The following EXOC4 variants were observed in gnomAD, a reference collection of about 807,000 sequenced individuals.
The protein encoded by EXOC4 is SEC8-like 1.
A neutral mutation model predicts 107.2 loss-of-function variants in EXOC4; 71 were observed. The observed-to-expected ratio is 0.66, with a 90% confidence interval of 0.55 to 0.81. The LOEUF is 0.81. Among genes scored for constraint, EXOC4 ranks in the 30% least tolerant of loss-of-function variants. The pLI is 0.00. For missense variants in EXOC4, 1,108 were observed against 1,189.6 expected (o/e 0.93, Z 1.01); for synonymous variants, 456 against 441.2 (o/e 1.03, Z -0.42).
chr7:133,704,026 G>A (rs1442405835), intron 10 of EXOC4, among the ~76,000 whole-genome samples: 1 of 152,148 alleles, frequency 6.6e-6, no homozygotes, highest in East Asian at 1.9e-4. Flanking sequence ...ATAGAGCTTT[G>A]CTTGTTTCAT....
intron 9 of EXOC4, 64 bp downstream of exon 9, chr7:133,480,202 G>T: frequency 6.3e-7 from 1 of 1,581,852 alleles, no homozygotes; most frequent in Non-Finnish European, 8.6e-7. Context: ...TATTACACAT[G>T]AGTTTGTGTC....
intron 7 of EXOC4, among the ~76,000 whole-genome samples, chr7:133,473,922 G>A (rs1368635074): frequency 2.6e-5 from 4 of 151,920 alleles, no homozygotes; most frequent in Non-Finnish European, 4.4e-5. Flanking sequence ...GGATGCTCTC[G>A]ATCTCCTGAC....
chr7:133,740,764 A>G (rs1290062906), intron 10 of EXOC4, among the ~76,000 whole-genome samples: 1 of 152,196 alleles, frequency 6.6e-6, no homozygotes, highest in Non-Finnish European at 1.5e-5. Context: ...GAGAGTTTAC[A>G]TATGTCATTT....
chr7:134,092,820 G>C, the EXOC4 span, among the ~76,000 whole-genome samples: 1 of 151,700 alleles, frequency 6.6e-6, no homozygotes, highest in Non-Finnish European at 1.5e-5. Context: ...CTACTTGAGA[G>C]GCTGAGGCAG....
intron 7 of EXOC4, among the ~76,000 whole-genome samples, chr7:133,457,658 C>T (rs1414267139): frequency 6.6e-6 from 1 of 152,202 alleles, no homozygotes; most frequent in Non-Finnish European, 1.5e-5. Flanking sequence ...CCTTGAGAGG[C>T]AACCAGGGAC....
intron 14 of EXOC4, among the ~76,000 whole-genome samples, chr7:133,940,561 A>G (rs1800402358): frequency 6.6e-6 from 1 of 152,186 alleles, no homozygotes; most frequent in Admixed American, 6.5e-5. Flanking sequence ...ATCACTACTT[A>G]TGGTGTCTGC....
At chr7:133,424,671 A>T (rs192869314) in intron 7 of EXOC4, among the ~76,000 whole-genome samples, 2 of 152,376 alleles carry the variant, frequency 1.3e-5, no homozygotes, top group East Asian at 3.9e-4. Flanking sequence ...GGGAATATTT[A>T]GAGGTAACAT....
chr7:133,362,332 G>A (rs1796154369), intron 6 of EXOC4, among the ~76,000 whole-genome samples: 1 of 152,150 alleles, frequency 6.6e-6, no homozygotes, highest in Admixed American at 6.5e-5. Flanking sequence ...ATACTGTATT[G>A]TAAGGGGTTG....
chr7:133,713,636 G>A (rs117412774), intron 10 of EXOC4, among the ~76,000 whole-genome samples: 9,213 of 152,196 alleles, frequency 0.061, 438 homozygotes, highest in Non-Finnish European at 0.086. Flanking sequence ...TGTGTCAAGG[G>A]AGAGACCAGG....
chr7:133,798,912 CATT>C (rs1436942669), intron 10 of EXOC4, among the ~76,000 whole-genome samples: 2 of 152,118 alleles, frequency 1.3e-5, no homozygotes, highest in African/African-American at 4.8e-5. Context: ...ATAAACACAT[CATT>C]GTGTTCCTTG....
chr7:134,048,320 G>T (rs759261581), intron 17 of EXOC4, among the ~76,000 whole-genome samples: 1 of 152,204 alleles, frequency 6.6e-6, no homozygotes, highest in African/African-American at 2.4e-5. Flanking sequence ...GTCCTGCAAA[G>T]ACAGTCTAGT....
intron 7 of EXOC4, among the ~76,000 whole-genome samples, chr7:133,433,007 C>T (rs764987337): frequency 6.6e-5 from 10 of 152,132 alleles, no homozygotes; most frequent in South Asian, 6.2e-4. Flanking sequence ...TCCGTTTATA[C>T]GATATAATAC....
chr7:133,428,601 C>T (rs966307887), intron 7 of EXOC4, among the ~76,000 whole-genome samples: 1 of 152,206 alleles, frequency 6.6e-6, no homozygotes, highest in African/African-American at 2.4e-5. Flanking sequence ...TATGCACAGA[C>T]TCAATGCTTA....
intron 14 of EXOC4, among the ~76,000 whole-genome samples, chr7:133,992,612 C>A (rs1235379710): frequency 6.6e-6 from 1 of 151,684 alleles, no homozygotes; most frequent in Non-Finnish European, 1.5e-5. Flanking sequence ...TTGTATCCTG[C>A]AACTGTACTA....
rs914954344 is a variant in EXOC4, at chr7:133,691,462, A to G, written c.1514+61321A>G. On this transcript the variant is annotated intron_variant, in intron 10 of 17. Coordinates refer to ENST00000253861, the MANE Select transcript of EXOC4 (RefSeq NM_021807.4). ...TAATGTAATGCGTATATTTTTAACA[A>G]TGAAGTAAATGCAGTACAACAGAGT... 1.3e-5 allele frequency among the ~76,000 whole-genome samples: 2 copies of G among 152,204 alleles called. 1 individual carries two copies. Among genetic ancestry groups the G allele is most frequent in the Non-Finnish European group, 2.9e-5 (2 of 68,034 alleles).
At chr7:134,025,822 C>G (rs971517904) in intron 17 of EXOC4, among the ~76,000 whole-genome samples, 1 of 152,150 alleles carries the variant, frequency 6.6e-6, no homozygotes, top group African/African-American at 2.4e-5. Flanking sequence ...AGACCCAGGA[C>G]GAGCATAGTA....
intron 17 of EXOC4, among the ~76,000 whole-genome samples, chr7:134,037,749 G>A (rs765121140): frequency 2.0e-5 from 3 of 152,190 alleles, no homozygotes; most frequent in Non-Finnish European, 4.4e-5. Flanking sequence ...AATTGCTCTA[G>A]GTTCAAACAG....
intron 9 of EXOC4, among the ~76,000 whole-genome samples, chr7:133,586,475 T>C (rs914223613): frequency 2.6e-5 from 4 of 152,240 alleles, no homozygotes; most frequent in Non-Finnish European, 5.9e-5. Flanking sequence ...TAGTATTCCA[T>C]GGTCGTGTAT....
chr7:133,485,101 AT>A (rs1285655436), intron 9 of EXOC4, among the ~76,000 whole-genome samples: 34 of 149,342 alleles, frequency 2.3e-4, no homozygotes, highest in Middle Eastern at 3.4e-3. Context: ...AAATAAATAA[AT>A]AAATAAATAA....
Sources: allele counts gnomAD v4.1 joint callset (sites outside exome capture counted in the v4.1 genomes callset), GRCh38; gene constraint gnomAD v4.1.1; transcripts MANE v1.5; gene names NCBI Gene and HGNC (gene_info 2026-07-23, HGNC 2026-07-21).